SAMMSON: variants seen among roughly 807,000 people sequenced by gnomAD.
The protein encoded by SAMMSON is survival associated mitochondrial melanoma specific oncogenic non-coding RNA.
chr3:70,329,289 T>C (rs891940760), intron 7 of SAMMSON, among the ~76,000 whole-genome samples: 1 of 152,150 alleles, frequency 6.6e-6, no homozygotes, highest in Non-Finnish European at 1.5e-5. Flanking sequence ...TTTGCCTTTA[T>C]GGTTCTTTAA....
At chr3:70,374,499 A>G (rs1005207020) in intron 9 of SAMMSON, among the ~76,000 whole-genome samples, 1 of 152,076 alleles carries the variant, frequency 6.6e-6, no homozygotes, top group African/African-American at 2.4e-5. Context: ...TTTGTATTCT[A>G]TTGACATTTG....
At chr3:70,211,321 TCCTTC>T (rs1701342505) in intron 4 of SAMMSON, among the ~76,000 whole-genome samples, 1 of 72,378 alleles carries the variant, frequency 1.4e-5, no homozygotes, top group Non-Finnish European at 2.7e-5. Flanking sequence ...CCCTTCCCTT[TCCTTC>T]CTTTCCCTTC....
At chr3:70,375,003 A>G (rs1163032064) in intron 9 of SAMMSON, among the ~76,000 whole-genome samples, 1 of 151,886 alleles carries the variant, frequency 6.6e-6, no homozygotes, top group Non-Finnish European at 1.5e-5. Context: ...TAAAAGGGAA[A>G]CCCATGGAAC....
chr3:70,377,292 T>C (rs2106749512), intron 9 of SAMMSON, among the ~76,000 whole-genome samples: 1 of 152,222 alleles, frequency 6.6e-6, no homozygotes, highest in African/African-American at 2.4e-5. Flanking sequence ...AATAATAAGG[T>C]ATTAACATAG....
At chr3:70,030,575 C>T (rs1401146368) in intron 3 of SAMMSON, 2 of 152,162 alleles carry the variant, frequency 1.3e-5, no homozygotes, top group African/African-American at 2.4e-5. Context: ...TTAATGGCCT[C>T]ATTTTTCAAA....
At chr3:70,042,653 C>A (rs1468913440) in intron 3 of SAMMSON, among the ~76,000 whole-genome samples, 5 of 152,060 alleles carry the variant, frequency 3.3e-5, no homozygotes, top group African/African-American at 1.2e-4. Context: ...AGTTGTAGAT[C>A]TCATTTCTCC....
intron 4 of SAMMSON, among the ~76,000 whole-genome samples, chr3:70,084,221 A>C (rs1449453477): frequency 6.6e-6 from 1 of 152,178 alleles, no homozygotes; most frequent in Non-Finnish European, 1.5e-5. Flanking sequence ...TCAGGAACTC[A>C]TCCAAATCAT....
intron 9 of SAMMSON, among the ~76,000 whole-genome samples, chr3:70,364,353 G>A (rs993115912): frequency 1.3e-5 from 2 of 151,848 alleles, no homozygotes; most frequent in African/African-American, 2.4e-5. Flanking sequence ...AGTTTGGCTG[G>A]ATATAAAAAT....
At chr3:70,413,148 T>A (rs1214341263) in intron 2 of SAMMSON, among the ~76,000 whole-genome samples, 1 of 152,156 alleles carries the variant, frequency 6.6e-6, no homozygotes, top group East Asian at 1.9e-4. Context: ...AAATATCTTG[T>A]GTGCTCTGAA....
chr3:70,133,702 G>A (rs1218277813), intron 4 of SAMMSON, among the ~76,000 whole-genome samples: 2 of 152,024 alleles, frequency 1.3e-5, no homozygotes, highest in East Asian at 1.9e-4. Context: ...CTAAGTTGTA[G>A]GGCACAGTTG....
At chr3:70,003,057 A>C (rs1260942284) in intron 1 of SAMMSON, among the ~76,000 whole-genome samples, 1 of 152,086 alleles carries the variant, frequency 6.6e-6, no homozygotes, top group Non-Finnish European at 1.5e-5. Context: ...ACAAATTTAG[A>C]ATTCCTGCAT....
At chr3:70,035,102 A>G (rs9809122) in intron 3 of SAMMSON, among the ~76,000 whole-genome samples, 80,118 of 151,850 alleles carry the variant, frequency 0.53, 21,876 homozygotes, top group East Asian at 0.73. Flanking sequence ...TTACCTGGAA[A>G]TTATGTGAAG....
At chr3:70,183,819 A>T (rs1701071891) in intron 4 of SAMMSON, 1 of 152,184 alleles carries the variant, frequency 6.6e-6, no homozygotes, top group Non-Finnish European at 1.5e-5. Flanking sequence ...AGAGCAGTTT[A>T]AAAAAATAAT....
chr3:70,421,645 G>C (rs1345295049), intron 2 of SAMMSON, among the ~76,000 whole-genome samples: 2 of 152,144 alleles, frequency 1.3e-5, no homozygotes, highest in East Asian at 3.9e-4. Context: ...AGTGCTCAGA[G>C]ACAGTATGAA....
At chr3:70,095,820 C>G (rs773208839) in intron 4 of SAMMSON, 1 of 152,192 alleles carries the variant, frequency 6.6e-6, no homozygotes, top group Non-Finnish European at 1.5e-5. Context: ...TTATCTACCC[C>G]ACTTCACTAG....
chr3:70,347,755 C>T (rs370391541), intron 7 of SAMMSON, among the ~76,000 whole-genome samples: 22 of 152,144 alleles, frequency 1.4e-4, no homozygotes, highest in African/African-American at 3.9e-4. Flanking sequence ...ATATGGAAAA[C>T]GTTAGGGTCG....
At chr3:70,054,786 G>A (rs1331580383) in intron 3 of SAMMSON, among the ~76,000 whole-genome samples, 1 of 152,028 alleles carries the variant, frequency 6.6e-6, no homozygotes, top group African/African-American at 2.4e-5. Context: ...AAAAGTTCGG[G>A]ACTAATCTCA....
chr3:70,286,044 C>A (rs1371148857), intron 6 of SAMMSON, among the ~76,000 whole-genome samples: 1 of 152,026 alleles, frequency 6.6e-6, no homozygotes, highest in Admixed American at 6.6e-5. Flanking sequence ...TTTTGCTGTG[C>A]AGAAGCTCTT....
chr3:70,076,929 C>A (rs2067250100), intron 4 of SAMMSON, among the ~76,000 whole-genome samples: 1 of 152,022 alleles, frequency 6.6e-6, no homozygotes, highest in African/African-American at 2.4e-5. Flanking sequence ...TTACAAAATA[C>A]AGATATGTTG....
Sources: allele counts gnomAD v4.1 joint callset (sites outside exome capture counted in the v4.1 genomes callset), GRCh38; gene constraint gnomAD v4.1.1; transcripts MANE v1.5; gene names NCBI Gene and HGNC (gene_info 2026-07-23, HGNC 2026-07-21).